The following LBR variants were observed in gnomAD, a reference collection of about 807,000 sequenced individuals.
LBR encodes the protein lamin B receptor, also known as delta(14)-sterol reductase LBR.
In LBR, 28 loss-of-function variants were observed where a neutral mutation model predicts 74.3. The observed-to-expected ratio is 0.38, with a 90% CI of 0.28 to 0.52. LBR has a LOEUF of 0.52. Among genes scored for constraint, LBR ranks in the 20% least tolerant of loss-of-function variants. The pLI is 0.89. For synonymous variants in LBR, 228 were observed against 269.3 expected, an observed-to-expected ratio of 0.85 and a Z score of 1.50; for missense variants, 717 against 760.3, an observed-to-expected ratio of 0.94 and a Z score of 0.67.
At chr1:225,423,513 T>A (rs1289188145) in intron 2 of LBR, among the ~76,000 whole-genome samples, 2 of 152,014 alleles carry the variant, frequency 1.3e-5, no homozygotes, top group African/African-American at 2.4e-5. Flanking sequence ...CTGCCCTCTC[T>A]GCAGAAACAG....
At chr1:225,418,676 AATACAAAGCAATTAAGCC>A (rs1459689376) in intron 5 of LBR, among the ~76,000 whole-genome samples, 4 of 152,254 alleles carry the variant, frequency 2.6e-5, no homozygotes, top group African/African-American at 9.6e-5. Flanking sequence ...GTTATAACAA[AATACAAAGCAATTAAGCC>A]ATGCAGGATT....
chr1:225,403,590 G>T, intron 13 of LBR, 127 bp from the exon 14 acceptor site: 1 of 724,034 alleles, frequency 1.4e-6, no homozygotes, highest in Non-Finnish European at 2.3e-6. Context: ...ATAATGATGA[G>T]AATAATTAAA....
chr1:225,419,582 T>C (rs577075740), intron 4 of LBR, 130 bp from the exon 5 acceptor site: 13 of 1,005,346 alleles, frequency 1.3e-5, no homozygotes, highest in Non-Finnish European at 1.8e-5. Context: ...ATATTCAGTC[T>C]TAATTTAAGG....
intron 7 of LBR, among the ~76,000 whole-genome samples, chr1:225,413,463 C>T (rs2096110443): frequency 6.6e-6 from 1 of 152,172 alleles, no homozygotes; most frequent in Non-Finnish European, 1.5e-5. Context: ...AAAAAGTCAT[C>T]AAATCCATTT....
At chr1:225,404,382 A>G in intron 13 of LBR, 22 bp downstream of exon 13, 1 of 1,613,636 alleles carries the variant, frequency 6.2e-7, no homozygotes, top group Non-Finnish European at 8.5e-7. Context: ...GGGTCAAACT[A>G]GCACTCTTCT....
intron 10 of LBR, among the ~76,000 whole-genome samples, chr1:225,407,436 A>G (rs931684554): frequency 1.3e-5 from 2 of 152,236 alleles, no homozygotes; most frequent in Admixed American, 1.3e-4. Flanking sequence ...CTGGCATTTC[A>G]TGTGCATTTT....
At chr1:225,410,152 G>T in intron 10 of LBR, 139 bp downstream of exon 10, 1 of 1,275,644 alleles carries the variant, frequency 7.8e-7, no homozygotes, top group African/African-American at 1.5e-5. Flanking sequence ...TCACATGGAT[G>T]GCCTCGTCCT....
At chr1:225,420,635 A>T (rs1282011838) in intron 3 of LBR, among the ~76,000 whole-genome samples, 1 of 152,196 alleles carries the variant, frequency 6.6e-6, no homozygotes, top group Non-Finnish European at 1.5e-5. Flanking sequence ...ACTAAATATT[A>T]AAAATGAAAG....
chr1:225,403,300 G>T lies in LBR; in HGVS notation c.*3C>A. The stretch of plus-strand genomic sequence containing the variant: ...AGTATTTTGTAGAAAAGCCAGAAGA[G>T]CATTAGTAGATGTATGGAAATATAC... On this transcript the variant is annotated 3_prime_UTR_variant, in exon 14 of 14. Coordinates refer to ENST00000272163, the MANE Select transcript of LBR (RefSeq NM_002296.4). 6.2e-7 allele frequency: 1 copy of T among 1,613,378 alleles called. No individual in the cohort carries two copies. Among genetic ancestry groups the T allele is most frequent in the South Asian group, 1.1e-5 (1 of 91,078 alleles).
At position 225,403,404 on chromosome 1, in the gene LBR, G is replaced by C; in HGVS notation, c.1747C>G (p.Arg583Gly). ...CAGTGGTACTCGTCACGAGCTTCTC[G>C]GTGGACAAGCAACATGGTGAAATAA... ...IIYFTMLLVHREARDEYHCKK... is the reference protein window; with the variant it reads ...IIYFTMLLVHGEARDEYHCKK... Residue 583 changes from arginine to glycine, a missense_variant, in exon 14 of 14, where the codon CGA becomes GGA. Arg to Gly is a moderately radical substitution (Grantham distance 125). Coordinates refer to ENST00000272163, the MANE Select transcript of LBR (RefSeq NM_002296.4). 2 of 1,613,368 alleles carry C rather than the reference G, an allele frequency of 1.2e-6. No homozygotes were observed. Among genetic ancestry groups the C allele is most frequent in the Admixed American group, 1.7e-5 (1 of 59,994 alleles).
chr1:225,422,098 A>G lies in LBR; in HGVS notation c.345T>C (p.Val115=). The G allele has an allele frequency of 6.2e-7, 1 of 1,614,150 alleles. No homozygotes were observed. ...DIKEARREVE[V]KLTPLILKPF... ...GTACCAGAATCAGCGGAGTCAATTT[A>G]ACTTCCACTTCCCTCCTTGCTTCCT... The change falls in exon 3 of 14, where the codon GTT becomes GTC. Residue 115 remains valine, a synonymous_variant. Transcript: ENST00000272163.
Position 225,403,173 on chromosome 1 carries a change from C to G in LBR, c.*130G>C. 3 of 814,100 alleles carry G rather than the reference C, an allele frequency of 3.7e-6. No individual in the cohort carries two copies. Among genetic ancestry groups the G allele is most frequent in the Non-Finnish European group, 6.2e-6 (3 of 483,660 alleles). The allele number at this position is 814,100 out of a possible 1,614,324, so 50.4% of individuals were successfully genotyped here. On this transcript the variant is annotated 3_prime_UTR_variant, in exon 14 of 14. Coordinates refer to ENST00000272163, the MANE Select transcript of LBR (RefSeq NM_002296.4). ...AGATCAACTACTCGGCTCCATAGTC[C>G]TGACTCAAAAAGAAAAAAAAAAGTA...
intron 1 of LBR, among the ~76,000 whole-genome samples, chr1:225,426,947 T>C (rs1488652832): frequency 6.6e-6 from 1 of 152,198 alleles, no homozygotes; most frequent in Non-Finnish European, 1.5e-5. Context: ...TAAATTAGGA[T>C]CCCTCTGCTC....
chr1:225,404,740 CTTAG>C, intron 11 of LBR, 34 bp from the exon 12 acceptor site: 1 of 1,347,320 alleles, frequency 7.4e-7, no homozygotes, highest in Middle Eastern at 2.5e-4. Context: ...ATGTTAATAA[CTTAG>C]TTATACTCTA....
In LBR at chr1:225,422,120, TCCTTAATGTCGG is replaced by T. The variant is rs2096128408; in HGVS notation, c.311_322del (p.Ala104_Lys107del). 1.2e-6 allele frequency: 2 copies of T among 1,614,150 alleles called. No individual in the cohort carries two copies. The highest frequency in any genetic ancestry group is 1.7e-6 in the Non-Finnish European group (2 of 1,180,036). Reference sequence around the variant, plus strand: ...TTTAACTTCCACTTCCCTCCTTGCTTCCTTAATGTCGGCCTGGTGGGAAGCAGAAGCAGATCG... The same window carrying T: ...TTTAACTTCCACTTCCCTCCTTGCTTCCTGGTGGGAAGCAGAAGCAGATCG... On this transcript the variant is annotated inframe_deletion, in exon 3 of 14. Transcript: ENST00000272163.
chr1:225,411,511 G>A (rs894383437), intron 8 of LBR, 71 bp from the exon 9 acceptor site: 8 of 1,085,718 alleles, frequency 7.4e-6, no homozygotes, highest in Middle Eastern at 2.0e-4. Flanking sequence ...CGGCACTGCC[G>A]CCCACTATCC....
At position 225,403,029 on chromosome 1, in the gene LBR, TC is replaced by T. The variant is rs1277670567; in HGVS notation, c.*273del. Reference sequence around the variant, plus strand: ...TCACAGTACATTTATATTAAGACTGTCTTCTGTTTTCAGATTAAGGGTTGAA... The same window carrying T: ...TCACAGTACATTTATATTAAGACTGTTTCTGTTTTCAGATTAAGGGTTGAA... On this transcript the variant is annotated 3_prime_UTR_variant, in exon 14 of 14. Coordinates refer to ENST00000272163, the MANE Select transcript of LBR (RefSeq NM_002296.4). 2.3e-6 allele frequency: 1 copy of T among 440,300 alleles called. No individual in the cohort carries two copies. Among genetic ancestry groups the T allele is most frequent in the African/African-American group, 2.0e-5 (1 of 50,626 alleles). 27.3% of individuals were successfully genotyped at this position (440,300 alleles called of 1,614,324 possible).
chr1:225,412,465 G>C lies in LBR; in HGVS notation c.1073C>G (p.Pro358Arg). 1 of 1,614,006 alleles carries C rather than the reference G, an allele frequency of 6.2e-7. No individual in the cohort carries two copies. The change falls in exon 8 of 14, where the codon CCT (proline) becomes CGT (arginine). Residue 358 changes from proline (P) to arginine (R), a missense_variant. Physicochemically the swap from Pro to Arg is moderately radical, Grantham distance 103. Coordinates refer to ENST00000272163, the MANE Select transcript of LBR (RefSeq NM_002296.4). The stretch of plus-strand genomic sequence containing the variant: ...TCATCACTGCTCACCAGAGCTGGCA[G>C]GCGACAGGTCATTCCGGGGCGCTTT... ...SLKAPRNDLS[P>R]ASSGNAVYDF... is the part of the protein sequence containing the mutation.
chr1:225,418,598 C>T (rs926205663), intron 5 of LBR, among the ~76,000 whole-genome samples: 2 of 152,146 alleles, frequency 1.3e-5, no homozygotes, highest in Non-Finnish European at 2.9e-5. Flanking sequence ...AATAGTGTCA[C>T]GTTCATGTAA....
Sources: allele counts gnomAD v4.1 joint callset (sites outside exome capture counted in the v4.1 genomes callset), GRCh38; gene constraint gnomAD v4.1.1; transcripts MANE v1.5; gene names NCBI Gene and HGNC (gene_info 2026-07-23, HGNC 2026-07-21).